NBAS: variants seen among roughly 807,000 people sequenced by gnomAD.
NBAS encodes NAG/BC035112 fusion.
NBAS carries 219 observed loss-of-function variants against 302.5 expected under a neutral mutation model. That is an observed-to-expected ratio of 0.72 (90% CI 0.65 to 0.81). NBAS has a LOEUF of 0.81. NBAS is among the 30% of genes least tolerant of loss of function. The pLI, the probability that NBAS is intolerant of heterozygous loss-of-function variation, is 0.00. For missense variants in NBAS, 2,932 were observed against 2,841.6 expected, an observed-to-expected ratio of 1.03 and a Z score of -0.72; for synonymous variants, 1,118 against 1,021.6, an observed-to-expected ratio of 1.09 and a Z score of -1.80.
At chr2:14,784,081 G>A in the NBAS span, among the ~76,000 whole-genome samples, 1 of 152,106 alleles carries the variant, frequency 6.6e-6, no homozygotes, top group Non-Finnish European at 1.5e-5. Flanking sequence ...GTGATGGTGA[G>A]CATTTTTTCA....
At chr2:15,173,435 GT>G (rs1664388372) in intron 51 of NBAS, among the ~76,000 whole-genome samples, 1 of 151,982 alleles carries the variant, frequency 6.6e-6, no homozygotes, top group Non-Finnish European at 1.5e-5. Context: ...CTATTTCACT[GT>G]TTACTTTAGG....
the NBAS span, among the ~76,000 whole-genome samples, chr2:14,781,279 T>A: frequency 4.6e-5 from 7 of 152,206 alleles, no homozygotes; most frequent in African/African-American, 1.7e-4. Context: ...ATTTAGCACT[T>A]GTAAAAATGA....
rs375726902 is a variant in NBAS, at chr2:15,478,284, G to A, written c.1089C>T (p.Gly363=). The change falls in exon 13 of 52, where the codon GGC becomes GGT. Residue 363 remains glycine, a synonymous_variant. Transcript: ENST00000281513. ...QGEWGQNEQP[G]YDDLNPDWRL... ...TCCAATCAGGATTAAGGTCATCATA[G>A]CCTGGCTAAATATGAAAATAATGAC... 22 of 1,609,682 alleles carry A rather than the reference G, an allele frequency of 1.4e-5. No homozygotes were observed. In the South Asian group the frequency reaches 2.0e-4, roughly 14 times the overall value.
At chr2:15,348,750 A>AT (rs1347468099) in intron 35 of NBAS, among the ~76,000 whole-genome samples, 3 of 152,032 alleles carry the variant, frequency 2.0e-5, no homozygotes, top group African/African-American at 7.2e-5. Context: ...CCACTGACTG[A>AT]TCATTATGCA....
chr2:15,478,372 A>G (rs935788490), intron 12 of NBAS, 83 bp from the exon 13 acceptor site: 6 of 981,100 alleles, frequency 6.1e-6, no homozygotes, highest in East Asian at 2.4e-5. Context: ...ACTTTTTCAA[A>G]TAAAGAGATG....
chr2:15,553,386 C>T, intron 5 of NBAS, 40 bp downstream of exon 5: 5 of 1,535,288 alleles, frequency 3.3e-6, no homozygotes, highest in Non-Finnish European at 4.5e-6. Context: ...ACAAATATTT[C>T]TCAAAGGAAA....
At chr2:14,962,507 G>C in the NBAS span, among the ~76,000 whole-genome samples, 1 of 152,024 alleles carries the variant, frequency 6.6e-6, no homozygotes, top group South Asian at 2.1e-4. Context: ...TCACTAAAGC[G>C]ATCTGCTTGA....
At chr2:15,505,148 G>A (rs1661780253) in intron 10 of NBAS, among the ~76,000 whole-genome samples, 1 of 152,160 alleles carries the variant, frequency 6.6e-6, no homozygotes. Flanking sequence ...CATCTCCATT[G>A]CTCCTGCTAA....
the NBAS span, among the ~76,000 whole-genome samples, chr2:15,020,659 G>A: frequency 2.0e-5 from 3 of 152,202 alleles, no homozygotes; most frequent in Non-Finnish European, 4.4e-5. Flanking sequence ...CTGAGAGCAA[G>A]AGTGAAAGAG....
chr2:15,353,807 A>C, intron 33 of NBAS, 97 bp from the exon 34 acceptor site: 1 of 1,449,738 alleles, frequency 6.9e-7, no homozygotes, highest in Non-Finnish European at 9.7e-7. Flanking sequence ...GTCTTGTGGT[A>C]CCAAAGCAAA....
Position 15,353,668 on chromosome 2 carries a change from G to A in NBAS, c.3974C>T (p.Ser1325Leu). ...AGTGGCCAAGTCCTGGTAACCTTCT[G>A]ATTGTCCTAACTGGCTACAAACATC... ...SWDVCSQLGQ[S>L]EGYQDLATRQ... Residue 1325 changes from serine to leucine, a missense_variant, in exon 34 of 52, where the codon TCA becomes TTA. Transcript: ENST00000281513. 6.2e-7 allele frequency: 1 copy of A among 1,614,052 alleles called. No homozygotes were observed. Among genetic ancestry groups the A allele is most frequent in the Non-Finnish European group, 8.5e-7 (1 of 1,179,970 alleles).
chr2:15,247,746 A>C (rs1668168992), intron 44 of NBAS, among the ~76,000 whole-genome samples: 1 of 151,320 alleles, frequency 6.6e-6, no homozygotes, highest in Non-Finnish European at 1.5e-5. Context: ...ATCTATATAT[A>C]TTTATATAGA....
At chr2:15,437,597 A>C (rs57458663) in intron 21 of NBAS, among the ~76,000 whole-genome samples, 1,939 of 152,292 alleles carry the variant, frequency 0.013, 32 homozygotes, top group East Asian at 0.06. Context: ...TAAGTCTAAC[A>C]CACTTTAGTG....
intron 21 of NBAS, among the ~76,000 whole-genome samples, chr2:15,456,315 T>C (rs1022847879): frequency 2.0e-5 from 3 of 152,256 alleles, no homozygotes; most frequent in Admixed American, 2.0e-4. Context: ...GCAAAAGTTC[T>C]GCCAGTGGGA....
chr2:14,827,977 A>T, the NBAS span, among the ~76,000 whole-genome samples: 1,087 of 152,310 alleles, frequency 7.1e-3, 20 homozygotes, highest in African/African-American at 0.025. Context: ...AAATTTTTTT[A>T]AAAAATAAAC....
At chr2:15,293,840 T>A (rs1329159991) in intron 40 of NBAS, among the ~76,000 whole-genome samples, 4 of 152,148 alleles carry the variant, frequency 2.6e-5, no homozygotes, top group Non-Finnish European at 5.9e-5. Flanking sequence ...GGAGTGCTGA[T>A]AAAAAACAGT....
At chr2:14,826,473 AT>A in the NBAS span, among the ~76,000 whole-genome samples, 1 of 152,236 alleles carries the variant, frequency 6.6e-6, no homozygotes, top group East Asian at 1.9e-4. Context: ...GATATTATAT[AT>A]AAATGAGATA....
At chr2:14,986,693 A>C in the NBAS span, among the ~76,000 whole-genome samples, 1 of 152,134 alleles carries the variant, frequency 6.6e-6, no homozygotes, top group African/African-American at 2.4e-5. Context: ...TGAACTTTCC[A>C]ATGAGACAAC....
In NBAS at chr2:15,284,146, A is replaced by C. The variant is rs568339532; in HGVS notation, c.5138+2927T>G. ...AGACATTAAAACAACAACAACAAGAAAAAGCGGGAAATGGAAAAAAAAAAA... is the reference window on the plus strand; with the variant it reads ...AGACATTAAAACAACAACAACAAGACAAAGCGGGAAATGGAAAAAAAAAAA... On this transcript the variant is annotated intron_variant, in intron 42 of 51. Transcript: ENST00000281513. Among the ~76,000 whole-genome samples the C allele has an allele frequency of 6.8e-4, 103 of 152,132 alleles. 1 individual carries two copies. In the South Asian group the frequency reaches 0.021, roughly 31 times the overall value.
Sources: allele counts gnomAD v4.1 joint callset (sites outside exome capture counted in the v4.1 genomes callset), GRCh38; gene constraint gnomAD v4.1.1; transcripts MANE v1.5; gene names NCBI Gene and HGNC (gene_info 2026-07-23, HGNC 2026-07-21).